LDB2: variants seen among roughly 807,000 people sequenced by gnomAD.
LDB2 encodes LIM domain-binding protein 2.
Under a neutral mutation model 44.3 loss-of-function variants are expected in LDB2, and 12 were observed. That is an observed-to-expected ratio of 0.27 (90% CI 0.17 to 0.44). The LOEUF (loss-of-function observed/expected upper bound fraction) is 0.44, where lower values mean the gene tolerates loss of function less well. LDB2 is among the 20% of genes least tolerant of loss of function. The pLI is 1.00. For missense variants in LDB2, 344 were observed against 473.5 expected (o/e 0.73, Z 2.54); for synonymous variants, 164 against 174.8 (o/e 0.94, Z 0.49).
intron 2 of LDB2, among the ~76,000 whole-genome samples, chr4:16,629,472 G>A (rs1006389543): frequency 7.2e-5 from 11 of 152,070 alleles, no homozygotes; most frequent in Non-Finnish European, 1.5e-5. Context: ...CCCTCTGCTG[G>A]TGATACCCAC....
At chr4:16,791,490 G>T (rs1775719179) in intron 1 of LDB2, among the ~76,000 whole-genome samples, 2 of 142,260 alleles carry the variant, frequency 1.4e-5, no homozygotes, top group South Asian at 4.8e-4. Flanking sequence ...GGGAGGCGGA[G>T]GTTGCAGTGA....
intron 5 of LDB2, among the ~76,000 whole-genome samples, chr4:16,521,740 CT>C (rs1726166704): frequency 6.6e-6 from 1 of 152,158 alleles, no homozygotes; most frequent in African/African-American, 2.4e-5. Flanking sequence ...AATTGCTAAT[CT>C]TAGTGCTTCC....
rs188193743 is a variant in LDB2, at chr4:16,714,684, T to C, written c.235+44474A>G. Among the ~76,000 whole-genome samples the C allele has an allele frequency of 4.8e-4, 73 of 152,154 alleles. 2 individuals carry two copies. Among genetic ancestry groups the C allele is most frequent in the Middle Eastern group, 6.8e-3 (2 of 294 alleles). On this transcript the variant is annotated intron_variant, in intron 2 of 7. Coordinates refer to ENST00000304523, the MANE Select transcript of LDB2 (RefSeq NM_001290.5). ...CAGTTGTAGAGGACAGAAATAAAAA[T>C]TTTGGCTGGATTGATTTCATCTGGA...
At chr4:16,536,199 A>G (rs1048780551) in intron 5 of LDB2, among the ~76,000 whole-genome samples, 1 of 152,184 alleles carries the variant, frequency 6.6e-6, no homozygotes, top group South Asian at 2.1e-4. Flanking sequence ...AAGGATGCCC[A>G]TGTAGCTCAT....
At position 16,595,936 on chromosome 4, in the gene LDB2, C is replaced by A. The variant is rs140330409; in HGVS notation, c.236-61G>T. The stretch of plus-strand genomic sequence containing the variant: ...AAAATATCCCACCAGCCCCACACAC[C>A]CAACACCATTGCCAAACCTCCTAAA... On this transcript the variant is annotated intron_variant, in intron 2 of 7. Coordinates refer to ENST00000304523, the MANE Select transcript of LDB2 (RefSeq NM_001290.5). 8.6e-6 allele frequency: 13 copies of A among 1,508,990 alleles called. No homozygotes were observed. The Admixed American group carries it at 1.8e-4, about 21-fold the overall frequency. 93.5% of individuals were successfully genotyped at this position (1,508,990 alleles called of 1,614,324 possible).
intron 2 of LDB2, among the ~76,000 whole-genome samples, chr4:16,666,776 C>T (rs1743364739): frequency 6.6e-6 from 1 of 152,192 alleles, no homozygotes; most frequent in South Asian, 2.1e-4. Flanking sequence ...GGACGTGTGC[C>T]AGTCCAAAAG....
At chr4:16,795,962 C>T (rs1380727668) in intron 1 of LDB2, among the ~76,000 whole-genome samples, 2 of 152,038 alleles carry the variant, frequency 1.3e-5, no homozygotes, top group Non-Finnish European at 2.9e-5. Flanking sequence ...GGAAGGAGGT[C>T]CCCGAAGTCA....
chr4:16,528,408 A>G (rs1385081526), intron 5 of LDB2, among the ~76,000 whole-genome samples: 3 of 152,250 alleles, frequency 2.0e-5, no homozygotes, highest in Admixed American at 6.5e-5. Flanking sequence ...ATTAAAGGCA[A>G]TGGCAAAAAC....
intron 1 of LDB2, among the ~76,000 whole-genome samples, chr4:16,861,838 T>C (rs1712682583): frequency 6.6e-6 from 1 of 152,222 alleles, no homozygotes; most frequent in African/African-American, 2.4e-5. Flanking sequence ...CATTCCTGTC[T>C]TCTCAAATAG....
At chr4:16,841,061 T>C (rs747680011) in intron 1 of LDB2, among the ~76,000 whole-genome samples, 1 of 152,126 alleles carries the variant, frequency 6.6e-6, no homozygotes, top group Non-Finnish European at 1.5e-5. Context: ...ACCTGTGAAA[T>C]TGTGTTTTGA....
intron 2 of LDB2, among the ~76,000 whole-genome samples, chr4:16,666,470 A>G (rs1156548849): frequency 6.6e-6 from 1 of 152,228 alleles, no homozygotes; most frequent in Non-Finnish European, 1.5e-5. Flanking sequence ...CTGCCTCTGG[A>G]AGGAACCAGG....
In LDB2 at chr4:16,588,811, T is replaced by A. The variant is rs1717903779; in HGVS notation, c.430A>T (p.Ile144Phe). The A allele has an allele frequency of 6.2e-7, 1 of 1,614,064 alleles. No individual in the cohort carries two copies. Among genetic ancestry groups the A allele is most frequent in the South Asian group, 1.1e-5 (1 of 91,048 alleles). The part of the protein sequence containing the change: ...FTKVCTEGRL[I>F]LEFTFDDLMR... ...AGATCATCAAAGGTGAACTCCAAGA[T>A]CAGTCTGCCTTCTGTACATACCTGG... The change falls in exon 4 of 8, where the codon ATC becomes TTC. Residue 144 changes from isoleucine to phenylalanine, a missense_variant. By Grantham distance (21) the Ile-to-Phe change is conservative. This residue lies in a region of LDB2 where 226 missense variants were observed against 270.1 expected (regional missense o/e 0.84). Transcript: ENST00000304523.
chr4:16,863,988 G>T (rs775855219), intron 1 of LDB2, among the ~76,000 whole-genome samples: 2 of 152,110 alleles, frequency 1.3e-5, no homozygotes, highest in Non-Finnish European at 2.9e-5. Context: ...TGCCTGGTTG[G>T]ATGAAGAGGC....
At chr4:16,711,589 G>T (rs145695333) in intron 2 of LDB2, among the ~76,000 whole-genome samples, 1 of 152,190 alleles carries the variant, frequency 6.6e-6, no homozygotes, top group Non-Finnish European at 1.5e-5. Context: ...TGGATGCTGT[G>T]CATAGAATGA....
chr4:16,543,440 T>C (rs1734608270), intron 5 of LDB2, among the ~76,000 whole-genome samples: 1 of 152,228 alleles, frequency 6.6e-6, no homozygotes, highest in Non-Finnish European at 1.5e-5. Context: ...ACCTGTTGTT[T>C]CCTGACTTTT....
At chr4:16,740,641 C>T (rs1763063386) in intron 2 of LDB2, among the ~76,000 whole-genome samples, 1 of 152,216 alleles carries the variant, frequency 6.6e-6, no homozygotes, top group Admixed American at 6.5e-5. Context: ...GACATAACCA[C>T]TTATGCTTCT....
intron 1 of LDB2, among the ~76,000 whole-genome samples, chr4:16,789,644 A>G (rs1256359564): frequency 1.3e-5 from 2 of 152,186 alleles, no homozygotes; most frequent in East Asian, 3.9e-4. Context: ...TTAAAACCCT[A>G]TATGGCCAGG....
At chr4:16,559,923 C>T (rs536110131) in intron 5 of LDB2, among the ~76,000 whole-genome samples, 88 of 152,180 alleles carry the variant, frequency 5.8e-4, no homozygotes, top group African/African-American at 1.7e-3. Context: ...CACTCAAAAC[C>T]GCTCAACTAC....
chr4:16,619,724 C>T (rs760434256), intron 2 of LDB2, among the ~76,000 whole-genome samples: 1 of 151,320 alleles, frequency 6.6e-6, no homozygotes, highest in African/African-American at 2.4e-5. Flanking sequence ...TGGATAATAT[C>T]GGTTGTCAAG....
Sources: gnomAD v4.1 joint callset for allele counts (sites outside exome capture counted in the v4.1 genomes callset) on GRCh38, gnomAD v4.1.1 for gene constraint, gnomAD v4.1.1 regional missense constraint, MANE v1.5 for transcripts, NCBI Gene and HGNC (gene_info 2026-07-23, HGNC 2026-07-21) for gene names.